Variants in MIER3 observed in about 807,000 individuals in gnomAD.
MIER3 encodes the protein mesoderm induction early response protein 3.
In MIER3, 9 loss-of-function variants were observed where a neutral mutation model predicts 63.2. That is an observed-to-expected ratio of 0.14 (90% CI 0.09 to 0.25). The LOEUF (loss-of-function observed/expected upper bound fraction) is 0.25. MIER3 is among the 10% of genes least tolerant of loss of function. MIER3 has a pLI of 1.00. For synonymous variants in MIER3, 205 were observed against 224.9 expected, an observed-to-expected ratio of 0.91 and a Z score of 0.79; for missense variants, 512 against 666.2, an observed-to-expected ratio of 0.77 and a Z score of 2.55.
Position 56,923,242 on chromosome 5 carries a change from GGTGAT to G in MIER3, c.1534_1538del (p.Ile512GlnfsTer10), listed in dbSNP as rs746647867. The G allele has an allele frequency of 3.7e-6, 6 of 1,614,018 alleles. No homozygotes were observed. Among genetic ancestry groups the G allele is most frequent in the African/African-American group, 2.7e-5 (2 of 74,912 alleles). ...CCACAGAAACAGCCATTTTGGCACT[GGTGAT>G]GTGATGTGTGTGATTTTCAAAGTCC... On this transcript the variant is annotated frameshift_variant, in exon 13 of 13. Transcript: ENST00000381199. LOFTEE classifies it high-confidence loss of function.
chr5:56,933,293 AT>A lies in MIER3; in HGVS notation c.700del (p.Ile234Ter). On this transcript the variant is annotated frameshift_variant, in exon 8 of 13. Coordinates refer to ENST00000381199, the MANE Select transcript of MIER3 (RefSeq NM_001297599.2). LOFTEE classifies it high-confidence loss of function. ...TGTTCCTGCAGAAATCCTATCCATT[AT>A]TTTTTCACTGCCAGTCCTTAATGAA... ...ETSLRTGSEKIMDRISAGTHT... is the reference protein window; with the variant it reads ...ETSLRTGSEKXMDRISAGTHT... 6.2e-7 allele frequency: 1 copy of A among 1,612,928 alleles called. No homozygotes were observed. The highest frequency in any genetic ancestry group is 1.7e-5 in the Admixed American group (1 of 59,832).
At position 56,937,630 on chromosome 5, in the gene MIER3, C is replaced by T. The variant is rs952046898; in HGVS notation, c.384G>A (p.Thr128=). ...AAGTTTCATGGGAAGTCACAGATGGCGTCAGATCATCCGCAGAAGACTGAG... is the reference window on the plus strand; with the variant it reads ...AAGTTTCATGGGAAGTCACAGATGGTGTCAGATCATCCGCAGAAGACTGAG... ...EETQSSADDL[T]PSVTSHETSD... Residue 128 remains threonine, a synonymous_variant, in exon 5 of 13, where the codon ACG becomes ACA. Coordinates refer to ENST00000381199, the MANE Select transcript of MIER3 (RefSeq NM_001297599.2). The T allele has an allele frequency of 1.3e-5, 21 of 1,611,764 alleles. No individual in the cohort carries two copies. The highest frequency in any genetic ancestry group is 8.4e-5 in the Admixed American group (5 of 59,670).
intron 1 of MIER3, among the ~76,000 whole-genome samples, chr5:56,951,689 C>A (rs1422980037): frequency 6.6e-6 from 1 of 151,540 alleles, no homozygotes; most frequent in Non-Finnish European, 1.5e-5. Flanking sequence ...TCTTTGCGAT[C>A]CGGCCGCGGA....
At chr5:56,948,481 T>C (rs149694455) in intron 2 of MIER3, among the ~76,000 whole-genome samples, 1 of 152,060 alleles carries the variant, frequency 6.6e-6, no homozygotes, top group Non-Finnish European at 1.5e-5. Context: ...CTGGTCAACA[T>C]AGCGAAACCC....
chr5:56,951,274 C>T (rs1751016436), intron 1 of MIER3, among the ~76,000 whole-genome samples: 1 of 152,076 alleles, frequency 6.6e-6, no homozygotes, highest in African/African-American at 2.4e-5. Context: ...TTCAGTCCCT[C>T]CCTGGACCGT....
chr5:56,951,543 C>T (rs1197800968), intron 1 of MIER3, among the ~76,000 whole-genome samples: 1 of 152,164 alleles, frequency 6.6e-6, no homozygotes, highest in Non-Finnish European at 1.5e-5. Flanking sequence ...CTGAGAAGCC[C>T]GGTGGCCCCG....
At chr5:56,937,770 A>G (rs1308992706) in intron 4 of MIER3, 72 bp from the exon 5 acceptor site, 7 of 1,353,138 alleles carry the variant, frequency 5.2e-6, no homozygotes, top group Non-Finnish European at 6.9e-6. Context: ...CTATCTTTTT[A>G]TAACATATCA....
intron 2 of MIER3, 108 bp downstream of exon 2, chr5:56,950,520 G>A: frequency 8.4e-7 from 1 of 1,190,770 alleles, no homozygotes; most frequent in East Asian, 2.4e-5. Flanking sequence ...AAAAATCAAT[G>A]AAGAAAAACC....
At chr5:56,938,642 A>G (rs908858952) in intron 4 of MIER3, among the ~76,000 whole-genome samples, 1 of 152,252 alleles carries the variant, frequency 6.6e-6, no homozygotes, top group Non-Finnish European at 1.5e-5. Context: ...GTGTCTACAC[A>G]GGAAAGATGA....
intron 8 of MIER3, among the ~76,000 whole-genome samples, chr5:56,931,037 G>A (rs935411551): frequency 6.6e-6 from 1 of 152,138 alleles, no homozygotes; most frequent in Non-Finnish European, 1.5e-5. Flanking sequence ...CTAGGTCTAA[G>A]ATTAGAGTTT....
intron 10 of MIER3, chr5:56,925,469 C>G: frequency 3.4e-6 from 1 of 293,516 alleles, no homozygotes; most frequent in Admixed American, 4.9e-5. Context: ...ACAGCAATGA[C>G]GATTGAAATT....
intron 2 of MIER3, among the ~76,000 whole-genome samples, chr5:56,948,461 C>A (rs189610931): frequency 6.6e-6 from 1 of 152,148 alleles, no homozygotes; most frequent in Non-Finnish European, 1.5e-5. Flanking sequence ...GTCAGGAGTT[C>A]CAGACCAGCC....
Position 56,922,808 on chromosome 5 carries a change from G to A in MIER3, c.*320C>T. 3.4e-6 allele frequency: 1 copy of A among 294,558 alleles called. No homozygotes were observed. 18.2% of individuals were successfully genotyped at this position (294,558 alleles called of 1,614,324 possible). On this transcript the variant is annotated 3_prime_UTR_variant, in exon 13 of 13. Coordinates refer to ENST00000381199, the MANE Select transcript of MIER3 (RefSeq NM_001297599.2). The stretch of plus-strand genomic sequence containing the variant: ...ACAGGTTTTAAAATTGGGAGTGAGG[G>A]CAGTGGGGAACACAAAAGAATAGAA...
intron 3 of MIER3, chr5:56,940,905 G>A: frequency 1.1e-5 from 10 of 925,086 alleles, no homozygotes; most frequent in Non-Finnish European, 1.3e-5. Context: ...GAGGTGCCTG[G>A]GTTGCAGCCT....
At chr5:56,941,626 G>A (rs994118462) in intron 3 of MIER3, 1 of 152,388 alleles carries the variant, frequency 6.6e-6, no homozygotes, top group Non-Finnish European at 1.5e-5. Flanking sequence ...GAGAGGCAGG[G>A]ACAGATCGCA....
chr5:56,933,310 C>T lies in MIER3; in HGVS notation c.684G>A (p.Arg228=), dbSNP rs1275099984. 1 of 1,613,302 alleles carries T rather than the reference C, an allele frequency of 6.2e-7. No individual in the cohort carries two copies. Residue 228 remains arginine, a synonymous_variant, in exon 8 of 13, where the codon AGG becomes AGA. Coordinates refer to ENST00000381199, the MANE Select transcript of MIER3 (RefSeq NM_001297599.2). ...TATCCATTATTTTTTCACTGCCAGT[C>T]CTTAATGAAGTCTCAACAAGGTATT... ...VKEYLVETSL[R]TGSEKIMDRI...
chr5:56,924,100 C>G (rs1749831623), intron 10 of MIER3, 58 bp from the exon 11 acceptor site: 1 of 1,564,690 alleles, frequency 6.4e-7, no homozygotes, highest in African/African-American at 1.4e-5. Context: ...TTTTAAGCAA[C>G]TTTTCTTTTC....
At chr5:56,947,366 C>A (rs950953393) in intron 2 of MIER3, among the ~76,000 whole-genome samples, 1 of 152,174 alleles carries the variant, frequency 6.6e-6, no homozygotes, top group East Asian at 1.9e-4. Context: ...TTTAAAGAAA[C>A]ATTCTAATAG....
At chr5:56,949,268 G>GAAC (rs201546166) in intron 2 of MIER3, among the ~76,000 whole-genome samples, 1,632 of 152,280 alleles carry the variant, frequency 0.011, 34 homozygotes, top group African/African-American at 0.036. Flanking sequence ...TGAGGCAGGA[G>GAAC]AACAGCTTGA....
Sources: allele counts gnomAD v4.1 joint callset (sites outside exome capture counted in the v4.1 genomes callset), GRCh38; gene constraint gnomAD v4.1.1; transcripts MANE v1.5; gene names NCBI Gene and HGNC (gene_info 2026-07-23, HGNC 2026-07-21).